Variants in CPQ observed in about 807,000 individuals in gnomAD.
CPQ encodes the protein Ser-Met dipeptidase.
CPQ carries 37 observed loss-of-function variants against 45.7 expected under a neutral mutation model. That is an observed-to-expected ratio of 0.81 (90% CI 0.62 to 1.07). The LOEUF (loss-of-function observed/expected upper bound fraction) is 1.07, where lower values mean the gene tolerates loss of function less well. Ranked by LOEUF, CPQ falls within the 50% of genes least tolerant of loss-of-function variation. The pLI is 0.00. For synonymous variants in CPQ, 186 were observed against 205.8 expected, an observed-to-expected ratio of 0.90 and a Z score of 0.82; for missense variants, 537 against 572.9, an observed-to-expected ratio of 0.94 and a Z score of 0.64.
intron 4 of CPQ, among the ~76,000 whole-genome samples, chr8:96,947,414 G>C (rs964622689): frequency 1.3e-5 from 2 of 151,940 alleles, no homozygotes; most frequent in African/African-American, 4.8e-5. Context: ...TCCTACTATT[G>C]GTCTGTATGA....
intron 1 of CPQ, among the ~76,000 whole-genome samples, chr8:96,736,113 T>C (rs116625269): frequency 0.021 from 3,138 of 152,346 alleles, 122 homozygotes; most frequent in African/African-American, 0.072. Flanking sequence ...TGCAATTTGC[T>C]TGTGCCCCCT....
At chr8:96,666,648 G>A (rs140585846) in intron 1 of CPQ, among the ~76,000 whole-genome samples, 25 of 152,328 alleles carry the variant, frequency 1.6e-4, no homozygotes, top group Non-Finnish European at 2.8e-4. Context: ...GGCTAGAGCC[G>A]TCTTGGTTGA....
At chr8:97,035,505 C>T (rs1809985785) in intron 6 of CPQ, among the ~76,000 whole-genome samples, 1 of 152,062 alleles carries the variant, frequency 6.6e-6, no homozygotes, top group Non-Finnish European at 1.5e-5. Flanking sequence ...CCTAGTTGCT[C>T]CCTATCTTTC....
chr8:96,984,048 G>A (rs994959500), intron 5 of CPQ, among the ~76,000 whole-genome samples: 1 of 151,556 alleles, frequency 6.6e-6, no homozygotes, highest in Non-Finnish European at 1.5e-5. Context: ...TGGATTCAGT[G>A]GTTTTTCTTA....
At position 96,701,382 on chromosome 8, in the gene CPQ, G is replaced by A. The variant is rs180705518; in HGVS notation, c.-35+55980G>A. ...ATTATTACAGCTGGAGACAAATCTG[G>A]TAAATCAAGGACTAATGGCTGATGT... is the stretch of plus-strand genomic sequence containing the variant. On this transcript the variant is annotated intron_variant, in intron 1 of 7. Transcript: ENST00000220763. Among the ~76,000 whole-genome samples, 133 of 152,260 alleles carry A rather than the reference G, an allele frequency of 8.7e-4. 1 individual carries two copies. Among genetic ancestry groups the A allele is most frequent in the African/African-American group, 3.1e-3 (129 of 41,548 alleles).
chr8:97,021,018 T>C (rs1412308887), intron 5 of CPQ, among the ~76,000 whole-genome samples: 2 of 152,024 alleles, frequency 1.3e-5, no homozygotes, highest in African/African-American at 2.4e-5. Context: ...AAAAAGATAA[T>C]CCACCATGAT....
At chr8:96,816,303 A>T (rs1376213015) in intron 2 of CPQ, among the ~76,000 whole-genome samples, 1 of 152,132 alleles carries the variant, frequency 6.6e-6, no homozygotes, top group African/African-American at 2.4e-5. Flanking sequence ...GCTCATCCAT[A>T]AAAAGCAACT....
intron 5 of CPQ, among the ~76,000 whole-genome samples, chr8:97,013,122 T>C (rs1809518621): frequency 6.6e-6 from 1 of 152,012 alleles, no homozygotes; most frequent in African/African-American, 2.4e-5. Flanking sequence ...TTCCAGGCTT[T>C]ACTCTCCCTT....
At chr8:96,823,642 C>T (rs1811339535) in intron 2 of CPQ, among the ~76,000 whole-genome samples, 1 of 151,842 alleles carries the variant, frequency 6.6e-6, no homozygotes. Flanking sequence ...TTGCAAGTCT[C>T]TTCAAATTCC....
intron 1 of CPQ, among the ~76,000 whole-genome samples, chr8:96,765,436 T>C (rs1042644440): frequency 6.6e-6 from 1 of 152,106 alleles, no homozygotes; most frequent in Non-Finnish European, 1.5e-5. Flanking sequence ...AATTGGTGTC[T>C]GTGGGACTCT....
At chr8:97,032,244 A>G (rs1809919064) in intron 6 of CPQ, among the ~76,000 whole-genome samples, 1 of 152,182 alleles carries the variant, frequency 6.6e-6, no homozygotes, top group Admixed American at 6.5e-5. Flanking sequence ...TTAACATCCA[A>G]TCTACAGTAG....
rs2439695 is a variant in CPQ at position 97,128,693 on chromosome 8, A to C, written c.1256-14327A>C. 5.3e-3 allele frequency among the ~76,000 whole-genome samples: 804 copies of C among 152,256 alleles called. 2 individuals are homozygous for C. The highest frequency in any genetic ancestry group is 9.6e-3 in the Non-Finnish European group (650 of 68,010). On this transcript the variant is annotated intron_variant, in intron 7 of 7. Coordinates refer to ENST00000220763, the MANE Select transcript of CPQ (RefSeq NM_016134.4). ...GAGCGAAACTCTGTCTCAAAAAAAC[A>C]AACAAACAAACAGAAAAAACTTTCT...
At chr8:97,131,520 T>C (rs976245037) in intron 7 of CPQ, among the ~76,000 whole-genome samples, 5 of 152,226 alleles carry the variant, frequency 3.3e-5, no homozygotes, top group African/African-American at 1.2e-4. Context: ...GTAGAGTTTC[T>C]TGTGACCTTG....
chr8:96,721,647 C>T (rs1056717314), intron 1 of CPQ, among the ~76,000 whole-genome samples: 2 of 152,052 alleles, frequency 1.3e-5, no homozygotes, highest in African/African-American at 2.4e-5. Flanking sequence ...AACACAAAAA[C>T]ACAAATCTCC....
chr8:96,873,580 C>G (rs1812108486), intron 3 of CPQ, among the ~76,000 whole-genome samples: 1 of 151,548 alleles, frequency 6.6e-6, no homozygotes, highest in African/African-American at 2.4e-5. Context: ...ATAAGCTTTT[C>G]TATTAAGCAA....
chr8:96,907,789 G>A (rs934491677), intron 4 of CPQ, among the ~76,000 whole-genome samples: 1 of 151,948 alleles, frequency 6.6e-6, no homozygotes, highest in African/African-American at 2.4e-5. Context: ...CCTGTATCCT[G>A]TACAGGTCAT....
At chr8:96,776,129 A>G (rs1370601656) in intron 1 of CPQ, among the ~76,000 whole-genome samples, 1 of 152,210 alleles carries the variant, frequency 6.6e-6, no homozygotes, top group Non-Finnish European at 1.5e-5. Context: ...AATGTAAGCT[A>G]TGGGAAATGG....
At chr8:96,669,090 T>C (rs1424031748) in intron 1 of CPQ, among the ~76,000 whole-genome samples, 1 of 152,208 alleles carries the variant, frequency 6.6e-6, no homozygotes, top group East Asian at 1.9e-4. Context: ...CCTGCCAGGG[T>C]AGGGTCAGAG....
intron 3 of CPQ, among the ~76,000 whole-genome samples, chr8:96,843,607 T>C (rs1450011717): frequency 6.6e-6 from 1 of 152,236 alleles, no homozygotes; most frequent in Non-Finnish European, 1.5e-5. Context: ...GCAGACAGAC[T>C]GTGTGTCTTA....
Sources: allele counts gnomAD v4.1 joint callset (sites outside exome capture counted in the v4.1 genomes callset), GRCh38; gene constraint gnomAD v4.1.1; transcripts MANE v1.5; gene names NCBI Gene and HGNC (gene_info 2026-07-23, HGNC 2026-07-21).